The following DCLRE1C variants were observed in gnomAD, a reference collection of about 807,000 sequenced individuals.
The protein encoded by DCLRE1C is protein artemis.
In DCLRE1C, 47 loss-of-function variants were observed where a neutral mutation model predicts 61.4. That is an observed-to-expected ratio of 0.77 (90% CI 0.61 to 0.98). DCLRE1C has a LOEUF of 0.98. Among genes scored for constraint, DCLRE1C ranks in the 50% least tolerant of loss-of-function variants. The pLI, the probability that DCLRE1C is intolerant of heterozygous loss-of-function variation, is 0.00. For synonymous variants in DCLRE1C, 337 were observed against 287.6 expected, an observed-to-expected ratio of 1.17 and a Z score of -1.74; for missense variants, 858 against 816.0, an observed-to-expected ratio of 1.05 and a Z score of -0.63.
intron 5 of DCLRE1C, among the ~76,000 whole-genome samples, chr10:14,936,232 A>G (rs1839887419): frequency 6.6e-6 from 1 of 151,610 alleles, no homozygotes; most frequent in Non-Finnish European, 1.5e-5. Flanking sequence ...TTCAAATCTG[A>G]TCTTCACCTC....
exon 14 of DCLRE1C, chr10:14,897,578 T>C (rs1218641497): frequency 1.5e-6 from 2 of 1,358,694 alleles, no homozygotes; most frequent in African/African-American, 2.9e-5. Context: ...TTTGGAAAAT[T>C]ACCTTTTTAT....
At chr10:14,918,857 C>T (rs1484877060) in intron 13 of DCLRE1C, among the ~76,000 whole-genome samples, 1 of 152,106 alleles carries the variant, frequency 6.6e-6, no homozygotes, top group Admixed American at 6.5e-5. Context: ...AGCAGAAATG[C>T]AGAAGCAGAG....
chr10:14,906,065 C>G lies in DCLRE1C; in HGVS notation c.*2343G>C, dbSNP rs1173530843. Among the ~76,000 whole-genome samples, 1 of 152,180 alleles carries G rather than the reference C, an allele frequency of 6.6e-6. No individual in the cohort carries two copies. The highest frequency in any genetic ancestry group is 2.4e-5 in the African/African-American group (1 of 41,446). On this transcript the variant is annotated 3_prime_UTR_variant, in exon 14 of 14. Transcript: ENST00000378278. ...AAACCAAGTAGCTGCTACAATTAAC[C>G]CTGCTCATGTTTATACTTTTTTGGA...
chr10:14,946,023 TTTGAGATGGAGTC>T lies in DCLRE1C; in HGVS notation c.162-847_162-835del, dbSNP rs552194209. Among the ~76,000 whole-genome samples the T allele has an allele frequency of 8.0e-3, 1,210 of 150,780 alleles. 16 individuals carry two copies. Among genetic ancestry groups the T allele is most frequent in the African/African-American group, 0.028 (1,145 of 40,904 alleles). On this transcript the variant is annotated intron_variant, in intron 2 of 13. Transcript: ENST00000378278. The stretch of plus-strand genomic sequence containing the variant: ...ATAATAAACTTTTTTTTTCTTTTTT[TTTGAGATGGAGTC>T]TTGATCTGTCACTCAGGCTGGAGTG...
intron 11 of DCLRE1C, among the ~76,000 whole-genome samples, chr10:14,925,979 G>T (rs1052870285): frequency 6.6e-6 from 1 of 152,178 alleles, no homozygotes; most frequent in Non-Finnish European, 1.5e-5. Context: ...AGATCTGATG[G>T]TTTTATAAGG....
At chr10:14,953,795 C>T in intron 1 of DCLRE1C, 107 bp downstream of exon 1, 2 of 1,525,940 alleles carry the variant, frequency 1.3e-6, no homozygotes, top group South Asian at 1.1e-5. Context: ...GCCGCCCCCT[C>T]GCTGGCTTCC....
intron 4 of DCLRE1C, among the ~76,000 whole-genome samples, chr10:14,938,604 G>A (rs866319367): frequency 6.6e-6 from 1 of 151,990 alleles, no homozygotes; most frequent in Non-Finnish European, 1.5e-5. Context: ...AAAAAGGGGG[G>A]CTGTATGTCT....
rs35296522 is a variant in DCLRE1C, at chr10:14,948,770, T to TTATATA, written c.161+260_161+265dup. Among the ~76,000 whole-genome samples, 28 of 143,690 alleles carry TTATATA rather than the reference T, an allele frequency of 1.9e-4. 2 individuals are homozygous for TTATATA. The highest frequency in any genetic ancestry group is 3.1e-4 in the African/African-American group (12 of 38,488). The allele number at this position is 143,690 out of a possible 152,430, so 94.3% of individuals were successfully genotyped here. Reference sequence around the variant, plus strand: ...TTTTTAGAGAGTGTATTTGGTAGGATTATATATATATATATATATATCAAG... The same window carrying TTATATA: ...TTTTTAGAGAGTGTATTTGGTAGGATTATATATATATATATATATATATATATCAAG... On this transcript the variant is annotated intron_variant, in intron 2 of 13. Transcript: ENST00000378278.
At chr10:14,926,177 G>T (rs148852621) in intron 11 of DCLRE1C, among the ~76,000 whole-genome samples, 1 of 152,288 alleles carries the variant, frequency 6.6e-6, no homozygotes, top group African/African-American at 2.4e-5. Flanking sequence ...TGATACACTT[G>T]TTGACAGAGT....
Position 14,953,986 on chromosome 10 carries a change from C to T in DCLRE1C, c.25G>A (p.Ala9Thr), listed in dbSNP as rs1842835241. Residue 9 changes from alanine (A) to threonine (T), a missense_variant, in exon 1 of 14, where the codon GCC becomes ACC. Around this residue, in one of 2 missense-constraint regions of DCLRE1C, gnomAD observed 15 missense variants for 32.5 expected, o/e 0.46. Coordinates refer to ENST00000378278, the MANE Select transcript of DCLRE1C (RefSeq NM_001033855.3). ...TCTATGGAGATAGTTGGATACTCGG[C>T]CATCTGCCCCTCGAAAGAACTCATA... is the stretch of plus-strand genomic sequence containing the variant. Reference protein sequence around the residue: MSSFEGQMAEYPTISIDRF... With the variant: MSSFEGQMTEYPTISIDRF... The T allele has an allele frequency of 6.2e-7, 1 of 1,614,038 alleles. No individual in the cohort carries two copies.
At chr10:14,935,912 T>C (rs865963412) in intron 5 of DCLRE1C, among the ~76,000 whole-genome samples, 3 of 152,222 alleles carry the variant, frequency 2.0e-5, no homozygotes, top group African/African-American at 7.2e-5. Flanking sequence ...CTTCCATTTA[T>C]TTATTTTTAT....
At chr10:14,929,457 T>C (rs1479463639) in intron 9 of DCLRE1C, among the ~76,000 whole-genome samples, 1 of 138,152 alleles carries the variant, frequency 7.2e-6, no homozygotes, top group Non-Finnish European at 1.5e-5. Context: ...GCCTGGGCAA[T>C]ATAGTGGGAT....
intron 13 of DCLRE1C, among the ~76,000 whole-genome samples, chr10:14,914,743 A>G (rs1465713133): frequency 1.3e-5 from 2 of 152,184 alleles, no homozygotes; most frequent in Non-Finnish European, 2.9e-5. Flanking sequence ...GTTTGAGACC[A>G]GCCTGGCCAA....
In DCLRE1C at chr10:14,923,089, A is replaced by G; in HGVS notation, c.973-20T>C. ...TTTAATCTAGAAAAAGGAAAATCAC[A>G]TGGATCAACAATCTCTACGATGAAA... On this transcript the variant is annotated intron_variant, in intron 11 of 13. Transcript: ENST00000378278. 1.3e-6 allele frequency: 2 copies of G among 1,552,754 alleles called. No individual in the cohort carries two copies. The highest frequency in any genetic ancestry group is 1.8e-6 in the Non-Finnish European group (2 of 1,124,270).
intron 9 of DCLRE1C, among the ~76,000 whole-genome samples, chr10:14,932,317 C>T (rs371264045): frequency 4.6e-5 from 7 of 152,024 alleles, no homozygotes; most frequent in East Asian, 1.9e-4. Flanking sequence ...AATTATCAAA[C>T]GTGTATGAAT....
downstream of DCLRE1C, chr10:14,899,792 C>T: frequency 7.6e-7 from 1 of 1,310,050 alleles, no homozygotes; most frequent in African/African-American, 1.5e-5. Flanking sequence ...TTTAACATTT[C>T]CAAAATATGT....
At chr10:14,921,200 G>C (rs1370296587) in intron 12 of DCLRE1C, among the ~76,000 whole-genome samples, 1 of 151,586 alleles carries the variant, frequency 6.6e-6, no homozygotes, top group Non-Finnish European at 1.5e-5. Context: ...GGCGCCTGTA[G>C]TCCCAGCTAC....
chr10:14,909,938 G>A (rs1564369635), intron 13 of DCLRE1C, among the ~76,000 whole-genome samples: 1 of 152,178 alleles, frequency 6.6e-6, no homozygotes, highest in South Asian at 2.1e-4. Flanking sequence ...AGCATGCTGT[G>A]TCAACAAATG....
At chr10:14,953,763 G>T in intron 1 of DCLRE1C, 139 bp downstream of exon 1, 2 of 1,272,516 alleles carry the variant, frequency 1.6e-6, no homozygotes, top group South Asian at 2.6e-5. Flanking sequence ...TGAAGAGCCC[G>T]ACTGGGACAA....
Sources: gnomAD v4.1 joint callset for allele counts (sites outside exome capture counted in the v4.1 genomes callset) on GRCh38, gnomAD v4.1.1 for gene constraint, gnomAD v4.1.1 regional missense constraint, MANE v1.5 for transcripts, NCBI Gene and HGNC (gene_info 2026-07-23, HGNC 2026-07-21) for gene names.